CREB3L2: variants seen among roughly 807,000 people sequenced by gnomAD.
CREB3L2 encodes cAMP responsive element binding protein 3 like 2.
A neutral mutation model predicts 57.2 loss-of-function variants in CREB3L2; 23 were observed. That is an observed-to-expected ratio of 0.40 (90% CI 0.29 to 0.57). CREB3L2 has a LOEUF of 0.57. Ranked by LOEUF, CREB3L2 falls within the 20% of genes least tolerant of loss-of-function variation. The pLI is 0.42. For missense variants in CREB3L2, 628 were observed against 634.7 expected, an observed-to-expected ratio of 0.99 and a Z score of 0.11; for synonymous variants, 268 against 265.1, an observed-to-expected ratio of 1.01 and a Z score of -0.11.
intron 1 of CREB3L2, among the ~76,000 whole-genome samples, chr7:137,993,327 C>T (rs904326584): frequency 2.6e-5 from 4 of 152,084 alleles, no homozygotes; most frequent in Non-Finnish European, 4.4e-5. Flanking sequence ...CCTTGAAAGC[C>T]CACCCTTTCC....
In CREB3L2 at chr7:137,875,033, C is replaced by T. The variant is rs1799114396; in HGVS notation, c.*5443G>A. ...AAGAAATGGAAATACAAAAGCATAA[C>T]AATTTCAATTTATTTTTTTTTCCCA... On this transcript the variant is annotated 3_prime_UTR_variant, in exon 12 of 12. Coordinates refer to ENST00000330387, the MANE Select transcript of CREB3L2 (RefSeq NM_194071.4). The T allele has an allele frequency of 5.4e-6, 1 of 184,204 alleles. No homozygotes were observed. Among genetic ancestry groups the T allele is most frequent in the Non-Finnish European group, 1.1e-5 (1 of 87,974 alleles). The allele number at this position is 184,204 out of a possible 1,614,324, so 11.4% of individuals were successfully genotyped here.
chr7:137,990,566 G>C (rs1801874770), intron 1 of CREB3L2, among the ~76,000 whole-genome samples: 1 of 152,166 alleles, frequency 6.6e-6, no homozygotes, highest in Non-Finnish European at 1.5e-5. Flanking sequence ...TTGGAGGAAG[G>C]ACCAGCTATG....
chr7:137,885,790 T>G (rs1799404981), intron 8 of CREB3L2, among the ~76,000 whole-genome samples: 1 of 152,196 alleles, frequency 6.6e-6, no homozygotes, highest in Non-Finnish European at 1.5e-5. Context: ...TGTGGCTTGT[T>G]TCTCAGCGAT....
At chr7:137,903,458 G>A (rs2117202637) in intron 7 of CREB3L2, among the ~76,000 whole-genome samples, 1 of 149,726 alleles carries the variant, frequency 6.7e-6, no homozygotes, top group African/African-American at 2.5e-5. Context: ...CTTTTCAAAA[G>A]AACAAAGATT....
intron 1 of CREB3L2, among the ~76,000 whole-genome samples, chr7:137,995,484 G>A (rs1801976054): frequency 6.6e-6 from 1 of 151,576 alleles, no homozygotes; most frequent in Admixed American, 6.6e-5. Context: ...ACAGGCGCCC[G>A]CCACCACGCC....
At chr7:137,958,563 T>C (rs1801261521) in intron 1 of CREB3L2, among the ~76,000 whole-genome samples, 1 of 152,144 alleles carries the variant, frequency 6.6e-6, no homozygotes, top group South Asian at 2.1e-4. Context: ...GCCAAACAGC[T>C]TGAGATATCT....
intron 8 of CREB3L2, among the ~76,000 whole-genome samples, chr7:137,895,539 C>T (rs73450493): frequency 6.6e-6 from 1 of 151,804 alleles, no homozygotes. Context: ...ACTTCCTCAT[C>T]TACTCTCCCG....
At chr7:137,935,247 T>C (rs1340880428) in intron 1 of CREB3L2, among the ~76,000 whole-genome samples, 1 of 152,258 alleles carries the variant, frequency 6.6e-6, no homozygotes, top group Non-Finnish European at 1.5e-5. Context: ...AACACTTCAC[T>C]GCATAGCAAT....
chr7:137,972,758 GAGAGAGAGA>G (rs1801539666), intron 1 of CREB3L2, among the ~76,000 whole-genome samples: 1 of 79,528 alleles, frequency 1.3e-5, no homozygotes, highest in Admixed American at 1.2e-4. Context: ...GAGAGAGAGA[GAGAGAGAGA>G]GAGAAAAGAA....
At chr7:137,891,662 G>A (rs1314572429) in intron 8 of CREB3L2, among the ~76,000 whole-genome samples, 2 of 151,760 alleles carry the variant, frequency 1.3e-5, no homozygotes, top group African/African-American at 4.8e-5. Flanking sequence ...TGCAACCTCC[G>A]CCTCCCAGGT....
At chr7:137,972,804 TTTC>T (rs1801542020) in intron 1 of CREB3L2, among the ~76,000 whole-genome samples, 1 of 144,590 alleles carries the variant, frequency 6.9e-6, no homozygotes, top group Admixed American at 6.9e-5. Context: ...TAAAGGTTGA[TTTC>T]TTATTTTAAA....
chr7:137,949,392 CTCATTT>C (rs1176854100), intron 1 of CREB3L2, among the ~76,000 whole-genome samples: 1 of 152,192 alleles, frequency 6.6e-6, no homozygotes, highest in East Asian at 1.9e-4. Flanking sequence ...CTCACGTATT[CTCATTT>C]TAATTGCAAA....
chr7:137,991,760 T>C (rs1801901977), intron 1 of CREB3L2, among the ~76,000 whole-genome samples: 1 of 151,786 alleles, frequency 6.6e-6, no homozygotes, highest in African/African-American at 2.4e-5. Context: ...TACAAAAAAT[T>C]AGCCAGGCAT....
chr7:137,961,330 G>C (rs996611280), intron 1 of CREB3L2, among the ~76,000 whole-genome samples: 2 of 152,106 alleles, frequency 1.3e-5, no homozygotes, highest in Non-Finnish European at 2.9e-5. Flanking sequence ...AGGAAAGTAC[G>C]TATGTCTCTG....
At chr7:137,915,585 A>G (rs1585620830) in intron 3 of CREB3L2, among the ~76,000 whole-genome samples, 1 of 152,160 alleles carries the variant, frequency 6.6e-6, no homozygotes, top group East Asian at 1.9e-4. Flanking sequence ...TTTATTTTGT[A>G]ACAGTAATCA....
At chr7:137,912,834 G>A in intron 4 of CREB3L2, 157 bp downstream of exon 4, 1 of 1,524,434 alleles carries the variant, frequency 6.6e-7, no homozygotes, top group Non-Finnish European at 8.8e-7. Context: ...TTTTTATTTG[G>A]AAGCAAAATT....
chr7:137,985,109 T>C (rs750938035), intron 1 of CREB3L2, among the ~76,000 whole-genome samples: 10 of 152,186 alleles, frequency 6.6e-5, no homozygotes, highest in Non-Finnish European at 1.5e-4. Context: ...CAGCTCCCTC[T>C]TCAAAGACCT....
rs138582121 is a variant in CREB3L2 at position 137,884,100 on chromosome 7, G to A, written c.1270+895C>T. Among the ~76,000 whole-genome samples, 616 of 152,276 alleles carry A rather than the reference G, an allele frequency of 4.0e-3. 4 individuals are homozygous for A. Among genetic ancestry groups the A allele is most frequent in the African/African-American group, 0.014 (599 of 41,560 alleles). ...GGCTCACTGCAACCTCCGCCTCCCA[G>A]GTTCACGCCACTCTCCTGCCTCAGC... On this transcript the variant is annotated intron_variant, in intron 10 of 11. Coordinates refer to ENST00000330387, the MANE Select transcript of CREB3L2 (RefSeq NM_194071.4).
intron 1 of CREB3L2, among the ~76,000 whole-genome samples, chr7:137,968,936 G>A (rs1317590581): frequency 2.0e-5 from 3 of 152,174 alleles, no homozygotes; most frequent in South Asian, 2.1e-4. Context: ...AAAAGAAAAT[G>A]AGGAAGAAAG....
Sources: allele counts gnomAD v4.1 joint callset (sites outside exome capture counted in the v4.1 genomes callset), GRCh38; gene constraint gnomAD v4.1.1; transcripts MANE v1.5; gene names NCBI Gene and HGNC (gene_info 2026-07-23, HGNC 2026-07-21).